Variants in NSD3 observed in about 807,000 individuals in gnomAD.
NSD3 encodes the protein nuclear receptor binding SET domain protein 3, also known as histone-lysine N-methyltransferase NSD3.
In NSD3, 24 loss-of-function variants were observed where a neutral mutation model predicts 160.8. The ratio of observed to expected loss-of-function variants is 0.15; its 90% confidence interval spans 0.11 to 0.21. NSD3 has a LOEUF of 0.21. NSD3 is among the 10% of genes least tolerant of loss of function. The pLI, the probability that NSD3 is intolerant of heterozygous loss-of-function variation, is 1.00. For synonymous variants in NSD3, 520 were observed against 600.0 expected (o/e 0.87, Z 1.95); for missense variants, 1,157 against 1,735.9 (o/e 0.67, Z 5.93).
intron 2 of NSD3, among the ~76,000 whole-genome samples, chr8:38,340,328 A>C (rs527831831): frequency 1.3e-5 from 2 of 152,292 alleles, no homozygotes; most frequent in African/African-American, 4.8e-5. Flanking sequence ...AATTAAAAAA[A>C]GTATAAAAAG....
At chr8:38,345,892 A>G (rs904401002) in intron 2 of NSD3, among the ~76,000 whole-genome samples, 1 of 152,188 alleles carries the variant, frequency 6.6e-6, no homozygotes, top group African/African-American at 2.4e-5. Flanking sequence ...ATGGACAATA[A>G]GAGTGAAACT....
intron 14 of NSD3, among the ~76,000 whole-genome samples, chr8:38,300,483 A>AAGGAGCC (rs2131005422): frequency 6.6e-6 from 1 of 152,290 alleles, no homozygotes; most frequent in Non-Finnish European, 1.5e-5. Context: ...CATGATTTTA[A>AAGGAGCC]AGGAGCCATA....
intron 5 of NSD3, 107 bp downstream of exon 5, chr8:38,331,324 A>T: frequency 7.8e-6 from 10 of 1,286,454 alleles, no homozygotes; most frequent in Non-Finnish European, 1.0e-5. Flanking sequence ...AAAGGGGTTT[A>T]AAAAAAGGAT....
At chr8:38,361,421 C>A (rs1810959006) in intron 1 of NSD3, among the ~76,000 whole-genome samples, 1 of 151,942 alleles carries the variant, frequency 6.6e-6, no homozygotes, top group South Asian at 2.1e-4. Flanking sequence ...CTGCTCCCGG[C>A]CAGAAATAAA....
intron 1 of NSD3, among the ~76,000 whole-genome samples, chr8:38,353,817 C>A (rs924861407): frequency 6.6e-6 from 1 of 152,176 alleles, no homozygotes; most frequent in East Asian, 1.9e-4. Flanking sequence ...TAGGTAACCA[C>A]ATAGAACACT....
At position 38,317,966 on chromosome 8, in the gene NSD3, G is replaced by C. The variant is rs367717064; in HGVS notation, c.1855+929C>G. 17 of 1,614,070 alleles carry C rather than the reference G, an allele frequency of 1.1e-5. No homozygotes were observed. Among genetic ancestry groups the C allele is most frequent in the African/African-American group, 4.0e-5 (3 of 74,908 alleles). On this transcript the variant is annotated intron_variant, in intron 9 of 23. Transcript: ENST00000317025. This position sits in a 1 kb window ranked among gnomAD's most constrained non-coding sequence, Gnocchi z 5.3. ...AATTGTACAGGAATCTCAGTCCACAGTTTCCTCAATCGCTGCGGAGACGGA... is the reference window on the plus strand; with the variant it reads ...AATTGTACAGGAATCTCAGTCCACACTTTCCTCAATCGCTGCGGAGACGGA...
At chr8:38,326,668 A>G in intron 7 of NSD3, 62 bp downstream of exon 7, 3 of 1,454,150 alleles carry the variant, frequency 2.1e-6, no homozygotes, top group Non-Finnish European at 2.7e-6. Context: ...CTACCACATT[A>G]TAGCAGAACA....
rs372577738 is a variant in NSD3 at position 38,278,229 on chromosome 8, C to A, written c.3867+77G>T. The A allele has an allele frequency of 3.9e-4, 527 of 1,341,648 alleles. 4 individuals carry two copies. The African/African-American group carries it at 6.6e-3, about 17-fold the overall frequency. The allele number at this position is 1,341,648 out of a possible 1,614,324, so 83.1% of individuals were successfully genotyped here. On this transcript the variant is annotated intron_variant, in intron 22 of 23. Coordinates refer to ENST00000317025, the MANE Select transcript of NSD3 (RefSeq NM_023034.2). The stretch of plus-strand genomic sequence containing the variant: ...CTGGGATTACAGGCATGAGCCACCG[C>A]GCCCGGCCAAACAGACTTCTTAACA...
chr8:38,318,975 A>AT lies in NSD3; in HGVS notation c.1810-36dup, dbSNP rs1166963834. 6 of 1,575,934 alleles carry AT rather than the reference A, an allele frequency of 3.8e-6. No individual in the cohort carries two copies. In the South Asian group the frequency reaches 4.6e-5, roughly 12 times the overall value. ...CAGAAAAATACAGCATTAACAAAGA[A>AT]TTTTTTTCCCTTTTAATTATTAACA... On this transcript the variant is annotated intron_variant, in intron 8 of 23. Coordinates refer to ENST00000317025, the MANE Select transcript of NSD3 (RefSeq NM_023034.2). This position sits in a 1 kb window ranked among gnomAD's most constrained non-coding sequence, Gnocchi z 5.3.
At chr8:38,372,541 C>T (rs1811273736) in intron 1 of NSD3, among the ~76,000 whole-genome samples, 2 of 149,288 alleles carry the variant, frequency 1.3e-5, no homozygotes. Context: ...TTCGCCCAGG[C>T]TGGCGTGTGA....
At chr8:38,297,960 G>GT (rs2131002991) in intron 15 of NSD3, among the ~76,000 whole-genome samples, 1 of 151,962 alleles carries the variant, frequency 6.6e-6, no homozygotes, top group East Asian at 1.9e-4. Context: ...TTAATTTTAA[G>GT]TCTTATTTCA....
In NSD3 at chr8:38,347,617, G is replaced by A. The variant is rs371298690; in HGVS notation, c.555C>T (p.His185=). Reference sequence around the variant, plus strand: ...TTCTGCTTTCATGCTTTGATTTCGTGTGCTCACTTGCCTGTACTTCATTTA... The same window carrying A: ...TTCTGCTTTCATGCTTTGATTTCGTATGCTCACTTGCCTGTACTTCATTTA... ...DLLNEVQASE[H]TKSKHESRKE... Residue 185 remains histidine, a synonymous_variant, in exon 2 of 24, where the codon CAC becomes CAT. Coordinates refer to ENST00000317025, the MANE Select transcript of NSD3 (RefSeq NM_023034.2). 24 of 1,613,586 alleles carry A rather than the reference G, an allele frequency of 1.5e-5. No individual in the cohort carries two copies. The African/African-American group carries it at 2.9e-4, about 20-fold the overall frequency.
In NSD3 at chr8:38,317,145, T is replaced by C. The variant is rs752517433; in HGVS notation, c.1856-1103A>G. Reference sequence around the variant, plus strand: ...AGATCCGCAACAGGCTGAGTGAGAGTAGCACTTGGAACATAGCCACGTTCT... The same window carrying C: ...AGATCCGCAACAGGCTGAGTGAGAGCAGCACTTGGAACATAGCCACGTTCT... On this transcript the variant is annotated intron_variant, in intron 9 of 23. Transcript: ENST00000317025. This position sits in a 1 kb window ranked among gnomAD's most constrained non-coding sequence, Gnocchi z 5.3. The C allele has an allele frequency of 7.5e-6, 8 of 1,062,738 alleles. No homozygotes were observed. Among genetic ancestry groups the C allele is most frequent in the African/African-American group, 4.9e-5 (3 of 60,880 alleles). The allele number at this position is 1,062,738 out of a possible 1,614,324, so 65.8% of individuals were successfully genotyped here.
rs1312720747 is a variant in NSD3 at position 38,321,268 on chromosome 8, C to T, written c.1709-96G>A. On this transcript the variant is annotated intron_variant, in intron 7 of 23. Coordinates refer to ENST00000317025, the MANE Select transcript of NSD3 (RefSeq NM_023034.2). The surrounding 1 kb of genome is among the most constrained non-coding windows in gnomAD (Gnocchi z 4.7). ...TGACCACATTCCTTGCTTTTCTTACCCATTACTTTTGGAATTTTAATTAAA... is the reference window on the plus strand; with the variant it reads ...TGACCACATTCCTTGCTTTTCTTACTCATTACTTTTGGAATTTTAATTAAA... The T allele has an allele frequency of 1.0e-6, 1 of 953,358 alleles. No individual in the cohort carries two copies. Among genetic ancestry groups the T allele is most frequent in the Non-Finnish European group, 1.5e-6 (1 of 651,608 alleles). 59.1% of individuals were successfully genotyped at this position (953,358 alleles called of 1,614,324 possible). A position where few individuals can be genotyped will look rare whatever the true frequency, so the allele number is the denominator to read the frequency against.
Position 38,274,693 on chromosome 8 carries a change from A to G in NSD3, c.*948T>C, listed in dbSNP as rs1361267903. 1 of 153,058 alleles carries G rather than the reference A, an allele frequency of 6.5e-6. No individual in the cohort carries two copies. Among genetic ancestry groups the G allele is most frequent in the African/African-American group, 2.4e-5 (1 of 41,492 alleles). 9.5% of individuals were successfully genotyped at this position (153,058 alleles called of 1,614,324 possible). ...AATAAAATGCCTGTAATTCTCTCCA[A>G]TTAAGACCAGGGTCTACAATAAAAT... On this transcript the variant is annotated 3_prime_UTR_variant, in exon 24 of 24. Coordinates refer to ENST00000317025, the MANE Select transcript of NSD3 (RefSeq NM_023034.2).
intron 2 of NSD3, among the ~76,000 whole-genome samples, chr8:38,344,277 T>C (rs1460370262): frequency 6.6e-6 from 1 of 152,074 alleles, no homozygotes; most frequent in Non-Finnish European, 1.5e-5. Flanking sequence ...TGTTTTTTTA[T>C]TTGTTTGTTT....
chr8:38,290,231 A>AT (rs2130993474), intron 17 of NSD3, among the ~76,000 whole-genome samples: 1 of 151,972 alleles, frequency 6.6e-6, no homozygotes, highest in Admixed American at 6.6e-5. Context: ...AAAAAAGACT[A>AT]TTCCTAGAAT....
At chr8:38,303,286 G>A in intron 14 of NSD3, 1 of 985,396 alleles carries the variant, frequency 1.0e-6, no homozygotes, top group Non-Finnish European at 1.2e-6. Flanking sequence ...AAGGCAATGA[G>A]TGACACCTTT....
At chr8:38,315,795 A>C (rs1809647597) in intron 10 of NSD3, 117 bp downstream of exon 10, 1 of 1,435,954 alleles carries the variant, frequency 7.0e-7, no homozygotes, top group Non-Finnish European at 9.3e-7. Context: ...ACTCAAAATA[A>C]ACAAAGTGAT....
Sources: allele counts gnomAD v4.1 joint callset (sites outside exome capture counted in the v4.1 genomes callset), GRCh38; gene constraint gnomAD v4.1.1; non-coding constraint Gnocchi (gnomAD v3.1); transcripts MANE v1.5; gene names NCBI Gene and HGNC (gene_info 2026-07-23, HGNC 2026-07-21).